GSE1: variants seen among roughly 807,000 people sequenced by gnomAD.
GSE1 encodes Gse1 coiled-coil protein, also known as genetic suppressor element 1.
In GSE1, 32 loss-of-function variants were observed where a neutral mutation model predicts 112.6. The observed-to-expected ratio is 0.28, with a 90% confidence interval of 0.21 to 0.38. GSE1 has a LOEUF of 0.38. GSE1 is among the 10% of genes least tolerant of loss of function. The pLI, the probability that GSE1 is intolerant of heterozygous loss-of-function variation, is 1.00. For synonymous variants in GSE1, 1,115 were observed against 735.6 expected, an observed-to-expected ratio of 1.52 and a Z score of -8.35; for missense variants, 2,348 against 1,699.2, an observed-to-expected ratio of 1.38 and a Z score of -6.71.
chr16:85,613,529 G>T lies in GSE1; in HGVS notation c.7+131G>T, dbSNP rs1345112908. The T allele has an allele frequency of 2.1e-5, 18 of 850,184 alleles. No homozygotes were observed. The East Asian group carries it at 5.4e-4, about 26-fold the overall frequency. 52.7% of individuals were successfully genotyped at this position (850,184 alleles called of 1,614,324 possible). ...CGGGCAACTTCCCCGGAGTGTTAGCGGCGATAAGAGCCGGGAGGGCGGGCA... is the reference window on the plus strand; with the variant it reads ...CGGGCAACTTCCCCGGAGTGTTAGCTGCGATAAGAGCCGGGAGGGCGGGCA... On this transcript the variant is annotated intron_variant, in intron 1 of 15. Transcript: ENST00000253458.
intron 1 of GSE1, among the ~76,000 whole-genome samples, chr16:85,185,620 A>G (rs1355271166): frequency 6.6e-6 from 1 of 152,228 alleles, no homozygotes; most frequent in African/African-American, 2.4e-5. Flanking sequence ...TATTGGCCAG[A>G]TCTTCCCAGG....
intron 1 of GSE1, among the ~76,000 whole-genome samples, chr16:85,184,323 C>T (rs1267683960): frequency 6.6e-6 from 1 of 152,238 alleles, no homozygotes; most frequent in African/African-American, 2.4e-5. Context: ...TCTCTACTCC[C>T]CCTTCCCCTG....
intron 1 of GSE1, among the ~76,000 whole-genome samples, chr16:85,324,780 C>T (rs1597393228): frequency 6.6e-6 from 1 of 151,814 alleles, no homozygotes; most frequent in East Asian, 1.9e-4. Context: ...GAGTGGCTGG[C>T]AGGGCCTGGG....
chr16:85,436,738 G>T (rs2049255615), intron 2 of GSE1, among the ~76,000 whole-genome samples: 1 of 152,232 alleles, frequency 6.6e-6, no homozygotes, highest in African/African-American at 2.4e-5. Context: ...GGGCGGGCCA[G>T]CTGCCTGGCA....
At chr16:85,450,165 A>G (rs1597792738) in intron 2 of GSE1, among the ~76,000 whole-genome samples, 1 of 112,352 alleles carries the variant, frequency 8.9e-6, no homozygotes, top group African/African-American at 3.6e-5. Flanking sequence ...CTTGTCGCCC[A>G]GGTTGGAGTG....
At position 85,656,376 on chromosome 16, in the gene GSE1, G is replaced by GGAGCGC. The variant is rs3833833; in HGVS notation, c.1041_1046dup (p.Arg351_Glu352dup). On this transcript the variant is annotated inframe_insertion, in exon 7 of 16. Transcript: ENST00000253458. ...TGGACGAGGAGCTAAGGCGGGAGAG[G>GGAGCGC]GAGCGCGAGCGCGAGCGCGAGCGTG... is the stretch of plus-strand genomic sequence containing the variant. 4,089 of 1,598,666 alleles carry GGAGCGC rather than the reference G, an allele frequency of 2.6e-3. 32 individuals carry two copies. Among genetic ancestry groups the GGAGCGC allele is most frequent in the East Asian group, 0.023 (1,033 of 44,640 alleles).
intron 13 of GSE1, 89 bp downstream of exon 13, chr16:85,666,436 C>G: frequency 7.8e-7 from 1 of 1,281,684 alleles, no homozygotes; most frequent in South Asian, 1.3e-5. Context: ...AGCCGTTCAG[C>G]CGTGGGCACA....
chr16:85,292,330 T>TG (rs1282061526), intron 1 of GSE1, among the ~76,000 whole-genome samples: 1 of 146,460 alleles, frequency 6.8e-6, no homozygotes, highest in East Asian at 2.0e-4. Flanking sequence ...TTGTTTTTGT[T>TG]TTTTTTTTTT....
At chr16:85,213,515 G>C (rs2075260991) in intron 1 of GSE1, among the ~76,000 whole-genome samples, 1 of 152,220 alleles carries the variant, frequency 6.6e-6, no homozygotes, top group Non-Finnish European at 1.5e-5. Flanking sequence ...GGACCTCCCT[G>C]TGTACTTTGT....
At chr16:85,633,530 G>A (rs987257870) in intron 1 of GSE1, among the ~76,000 whole-genome samples, 4 of 152,296 alleles carry the variant, frequency 2.6e-5, no homozygotes, top group East Asian at 3.9e-4. Flanking sequence ...GATGCGGGCC[G>A]CACGCCTCCT....
intron 2 of GSE1, among the ~76,000 whole-genome samples, chr16:85,468,933 C>G (rs530180686): frequency 6.6e-6 from 1 of 152,236 alleles, no homozygotes; most frequent in South Asian, 2.1e-4. Flanking sequence ...ATTAATTAAG[C>G]CTCTTGAGCT....
At chr16:85,244,135 A>C (rs1905392919) in intron 1 of GSE1, among the ~76,000 whole-genome samples, 1 of 152,170 alleles carries the variant, frequency 6.6e-6, no homozygotes, top group Non-Finnish European at 1.5e-5. Flanking sequence ...TCCAAAAAAA[A>C]GTGGGGGGCA....
At chr16:85,393,474 C>G (rs978003651) in intron 2 of GSE1, among the ~76,000 whole-genome samples, 1 of 152,204 alleles carries the variant, frequency 6.6e-6, no homozygotes, top group Non-Finnish European at 1.5e-5. Flanking sequence ...CACACAGTAC[C>G]CAGCACACAG....
intron 2 of GSE1, among the ~76,000 whole-genome samples, chr16:85,546,549 A>G (rs1437416883): frequency 6.6e-6 from 1 of 152,232 alleles, no homozygotes; most frequent in East Asian, 1.9e-4. Context: ...CCTGAGCATC[A>G]TTTGGGGAGT....
intron 2 of GSE1, among the ~76,000 whole-genome samples, chr16:85,638,236 C>G (rs1016261166): frequency 3.3e-5 from 5 of 152,248 alleles, no homozygotes; most frequent in African/African-American, 1.2e-4. Context: ...GTGGCATGCG[C>G]TGCCCTGGGA....
intron 1 of GSE1, among the ~76,000 whole-genome samples, chr16:85,337,302 C>T (rs1388388089): frequency 6.8e-6 from 1 of 147,420 alleles, no homozygotes; most frequent in Non-Finnish European, 1.5e-5. Context: ...TTTTTCTTTT[C>T]TTTTCTTTTT....
At chr16:85,278,578 G>C (rs1448796293) in intron 1 of GSE1, among the ~76,000 whole-genome samples, 1 of 152,072 alleles carries the variant, frequency 6.6e-6, no homozygotes, top group Non-Finnish European at 1.5e-5. Flanking sequence ...TTTTCTGTTA[G>C]CCTCATAGTC....
chr16:85,199,753 T>C (rs944560163), intron 1 of GSE1, among the ~76,000 whole-genome samples: 1 of 152,160 alleles, frequency 6.6e-6, no homozygotes, highest in Non-Finnish European at 1.5e-5. Flanking sequence ...AGGTATGCTT[T>C]GCCCACTCAG....
intron 2 of GSE1, among the ~76,000 whole-genome samples, chr16:85,515,861 A>G (rs897099544): frequency 6.6e-6 from 1 of 152,126 alleles, no homozygotes; most frequent in Non-Finnish European, 1.5e-5. Context: ...TCTTCTGCCA[A>G]GGCCTTAAGC....
Sources: gnomAD v4.1 joint callset for allele counts (sites outside exome capture counted in the v4.1 genomes callset) on GRCh38, gnomAD v4.1.1 for gene constraint, MANE v1.5 for transcripts, NCBI Gene and HGNC (gene_info 2026-07-23, HGNC 2026-07-21) for gene names.